The following SH3BGRL2 variants were observed in gnomAD, a reference collection of about 807,000 sequenced individuals.
SH3BGRL2 encodes SH3 domain-binding glutamic acid-rich-like protein 2.
In SH3BGRL2, 21 loss-of-function variants were observed where a neutral mutation model predicts 14.8. The ratio of observed to expected loss-of-function variants is 1.42; its 90% CI spans 1.01 to 2.05. SH3BGRL2 has a LOEUF of 2.05. SH3BGRL2 is among the 30% of genes most tolerant of loss of function. The pLI is 0.00. For missense variants in SH3BGRL2, 147 were observed against 130.8 expected (o/e 1.12, Z -0.61); for synonymous variants, 50 against 47.8 (o/e 1.05, Z -0.19).
chr6:79,552,628 A>G, the SH3BGRL2 span, among the ~76,000 whole-genome samples: 32,555 of 152,030 alleles, frequency 0.21, 3,586 homozygotes, highest in African/African-American at 0.27. Flanking sequence ...TTCTTCTGGG[A>G]TCCCCTTGGA....
chr6:79,676,784 G>A (rs1159640279), intron 2 of SH3BGRL2, among the ~76,000 whole-genome samples: 1 of 152,012 alleles, frequency 6.6e-6, no homozygotes, highest in African/African-American at 2.4e-5. Flanking sequence ...ATGAATAGAA[G>A]AATATAATGT....
the SH3BGRL2 span, among the ~76,000 whole-genome samples, chr6:79,543,422 A>G: frequency 6.6e-6 from 1 of 152,230 alleles, no homozygotes; most frequent in Non-Finnish European, 1.5e-5. Flanking sequence ...GGTATATAAT[A>G]GAAAGTAATG....
At chr6:79,555,880 T>C in the SH3BGRL2 span, among the ~76,000 whole-genome samples, 38 of 152,144 alleles carry the variant, frequency 2.5e-4, no homozygotes, top group Non-Finnish European at 1.5e-5. Flanking sequence ...TAAAATAATA[T>C]AGTGCTATGA....
the SH3BGRL2 span, among the ~76,000 whole-genome samples, chr6:79,584,650 A>G: frequency 2.6e-5 from 4 of 152,092 alleles, no homozygotes; most frequent in Non-Finnish European, 5.9e-5. Context: ...CCAATTACAC[A>G]TAGAGGGGAA....
chr6:79,678,968 G>A (rs943554294), intron 2 of SH3BGRL2, among the ~76,000 whole-genome samples: 11 of 152,118 alleles, frequency 7.2e-5, no homozygotes, highest in African/African-American at 2.7e-4. Context: ...TTTTAAGGCT[G>A]CATAGTATTC....
the SH3BGRL2 span, among the ~76,000 whole-genome samples, chr6:79,575,731 C>T: frequency 1.3e-5 from 2 of 151,992 alleles, no homozygotes; most frequent in Admixed American, 6.6e-5. Flanking sequence ...TTTAAACTTT[C>T]ATGTTACTCA....
At chr6:79,688,846 A>G (rs1289505624) in intron 2 of SH3BGRL2, among the ~76,000 whole-genome samples, 1 of 152,232 alleles carries the variant, frequency 6.6e-6, no homozygotes, top group Middle Eastern at 3.4e-3. Flanking sequence ...TATCTCTATC[A>G]TATCTACTTT....
the SH3BGRL2 span, among the ~76,000 whole-genome samples, chr6:79,611,762 C>T: frequency 1.4e-4 from 22 of 152,242 alleles, no homozygotes; most frequent in Admixed American, 9.2e-4. Flanking sequence ...GTCATAGACT[C>T]CAGTGTTGGG....
At chr6:79,606,528 C>G in the SH3BGRL2 span, among the ~76,000 whole-genome samples, 1 of 152,068 alleles carries the variant, frequency 6.6e-6, no homozygotes, top group African/African-American at 2.4e-5. Flanking sequence ...GCCCTTGGTG[C>G]CTGGCTGGCT....
chr6:79,669,602 G>C (rs796468945), intron 1 of SH3BGRL2, among the ~76,000 whole-genome samples: 3 of 151,824 alleles, frequency 2.0e-5, no homozygotes, highest in Non-Finnish European at 2.9e-5. Flanking sequence ...GCACCACCAC[G>C]CCTGGCTAAT....
the SH3BGRL2 span, chr6:79,575,144 T>C: frequency 6.6e-6 from 1 of 152,354 alleles, no homozygotes; most frequent in South Asian, 2.1e-4. Flanking sequence ...CCATCTCTCA[T>C]CAACCACAAT....
the SH3BGRL2 span, among the ~76,000 whole-genome samples, chr6:79,558,844 G>T: frequency 6.6e-6 from 1 of 152,120 alleles, no homozygotes; most frequent in Non-Finnish European, 1.5e-5. Flanking sequence ...TAGGGCTAGG[G>T]CAGAGTAGGC....
intron 1 of SH3BGRL2, among the ~76,000 whole-genome samples, chr6:79,663,823 C>T (rs1769602761): frequency 6.6e-6 from 1 of 152,184 alleles, no homozygotes; most frequent in Non-Finnish European, 1.5e-5. Flanking sequence ...TGGGCTCCAC[C>T]CAGTTTGAGC....
the SH3BGRL2 span, among the ~76,000 whole-genome samples, chr6:79,611,467 C>T: frequency 2.1e-5 from 3 of 144,388 alleles, no homozygotes; most frequent in Admixed American, 7.2e-5. Context: ...AGTGCAATGG[C>T]GCAATCTCAG....
In SH3BGRL2 at chr6:79,691,511, A is replaced by T. The variant is rs7773033; in HGVS notation, c.232-4974A>T. On this transcript the variant is annotated intron_variant, in intron 2 of 3. Coordinates refer to ENST00000369838, the MANE Select transcript of SH3BGRL2 (RefSeq NM_031469.4). Reference sequence around the variant, plus strand: ...CTAATGCTATCCCTCCCCCCTCCCCACACCCCACAACAGTCCCCGGTGTGT... The same window carrying T: ...CTAATGCTATCCCTCCCCCCTCCCCTCACCCCACAACAGTCCCCGGTGTGT... Among the ~76,000 whole-genome samples, 28 of 104,332 alleles carry T rather than the reference A, an allele frequency of 2.7e-4. No individual in the cohort carries two copies. In the East Asian group the frequency reaches 4.2e-3, roughly 16 times the overall value. 68.4% of individuals were successfully genotyped at this position (104,332 alleles called of 152,430 possible). A position where few individuals can be genotyped will look rare whatever the true frequency, so the allele number is the denominator to read the frequency against.
At position 79,668,390 on chromosome 6, in the gene SH3BGRL2, T is replaced by A. The variant is rs914856668; in HGVS notation, c.46-5224T>A. ...TCTTCACTAAGATTTCCACGGGTCA[T>A]TGAGTCTTCATGCGGAGTCAGGAGA... On this transcript the variant is annotated intron_variant, in intron 1 of 3. Coordinates refer to ENST00000369838, the MANE Select transcript of SH3BGRL2 (RefSeq NM_031469.4). Among the ~76,000 whole-genome samples, 3 of 152,290 alleles carry A rather than the reference T, an allele frequency of 2.0e-5. No homozygotes were observed. The South Asian group carries it at 6.2e-4, about 32-fold the overall frequency.
the SH3BGRL2 span, among the ~76,000 whole-genome samples, chr6:79,560,847 A>C: frequency 6.7e-6 from 1 of 149,958 alleles, no homozygotes; most frequent in African/African-American, 2.5e-5. Flanking sequence ...AAGAAATAAA[A>C]TTAATGTTAA....
At position 79,673,725 on chromosome 6, in the gene SH3BGRL2, G is replaced by A. The variant is rs371878206; in HGVS notation, c.157G>A (p.Val53Ile). The A allele has an allele frequency of 3.8e-5, 61 of 1,614,054 alleles. 1 individual carries two copies. The highest frequency in any genetic ancestry group is 1.5e-4 in the South Asian group (14 of 91,070). ...ACAGAGGCAATGGATGTACAAAAACGTCCCCCCGGAAAAGAAACCCACTCA... is the reference window on the plus strand; with the variant it reads ...ACAGAGGCAATGGATGTACAAAAACATCCCCCCGGAAAAGAAACCCACTCA... The part of the protein sequence containing the change: ...EEQRQWMYKN[V>I]PPEKKPTQGN... The change falls in exon 2 of 4, where the codon GTC (valine) becomes ATC (isoleucine). Residue 53 changes from valine (V) to isoleucine (I), a missense_variant. Physicochemically the swap from Val to Ile is conservative, Grantham distance 29. Coordinates refer to ENST00000369838, the MANE Select transcript of SH3BGRL2 (RefSeq NM_031469.4).
At chr6:79,611,848 C>T in the SH3BGRL2 span, among the ~76,000 whole-genome samples, 6 of 152,192 alleles carry the variant, frequency 3.9e-5, no homozygotes, top group African/African-American at 1.4e-4. Flanking sequence ...CCACTTAGAA[C>T]CTCAGTCTTG....
Sources: allele counts gnomAD v4.1 joint callset (sites outside exome capture counted in the v4.1 genomes callset), GRCh38; gene constraint gnomAD v4.1.1; transcripts MANE v1.5; gene names NCBI Gene and HGNC (gene_info 2026-07-23, HGNC 2026-07-21).